The following SKAP2 variants were observed in gnomAD, a reference collection of about 807,000 sequenced individuals.
SKAP2 encodes the protein src kinase associated phosphoprotein 2, also known as src kinase-associated phosphoprotein 2.
In SKAP2, 28 loss-of-function variants were observed where a neutral mutation model predicts 54.9. The ratio of observed to expected loss-of-function variants is 0.51; its 90% CI spans 0.38 to 0.70. The LOEUF (loss-of-function observed/expected upper bound fraction) is 0.70, where lower values mean the gene tolerates loss of function less well. SKAP2 is among the 30% of genes least tolerant of loss of function. The pLI, the probability that SKAP2 is intolerant of heterozygous loss-of-function variation, is 0.00. For synonymous variants in SKAP2, 137 were observed against 134.3 expected (o/e 1.02, Z -0.14); for missense variants, 356 against 424.1 (o/e 0.84, Z 1.41).
chr7:26,790,551 G>C (rs1464579382), intron 4 of SKAP2, among the ~76,000 whole-genome samples: 2 of 152,068 alleles, frequency 1.3e-5, no homozygotes, highest in African/African-American at 4.8e-5. Flanking sequence ...ATTACTGTTG[G>C]GATTTAATAT....
At chr7:26,794,993 A>G (rs1783744765) in intron 4 of SKAP2, among the ~76,000 whole-genome samples, 1 of 152,136 alleles carries the variant, frequency 6.6e-6, no homozygotes, top group African/African-American at 2.4e-5. Flanking sequence ...TGCCTTCCCT[A>G]TTGAGGTTAA....
At chr7:26,740,175 A>G (rs1241934403) in intron 4 of SKAP2, among the ~76,000 whole-genome samples, 4 of 136,376 alleles carry the variant, frequency 2.9e-5, no homozygotes, top group Admixed American at 1.5e-4. Context: ...AAAAAAAAAA[A>G]GTTCTGTACT....
chr7:26,690,296 T>C lies in SKAP2; in HGVS notation c.863A>G (p.His288Arg), dbSNP rs1196651072. The change falls in exon 10 of 13, where the codon CAT becomes CGT. Residue 288 changes from histidine to arginine, a missense_variant. His to Arg is a conservative substitution (Grantham distance 29, BLOSUM62 0). Transcript: ENST00000345317. The stretch of plus-strand genomic sequence containing the variant: ...ACACAAGTCATTACCTGAGGTGTGA[T>C]GGACACTATCCTGACTCATCTTCCT... ...EQRKMSQDSV[H>R]HTSGDKSTDY... The C allele has an allele frequency of 6.2e-7, 1 of 1,608,176 alleles. No homozygotes were observed. The highest frequency in any genetic ancestry group is 8.5e-7 in the Non-Finnish European group (1 of 1,174,660).
At chr7:26,802,625 G>A (rs1295184570) in intron 4 of SKAP2, among the ~76,000 whole-genome samples, 2 of 152,088 alleles carry the variant, frequency 1.3e-5, no homozygotes, top group African/African-American at 4.8e-5. Context: ...GCACACGCCT[G>A]TAATCCTGGC....
chr7:26,665,278 C>T (rs1490069754), downstream of SKAP2, among the ~76,000 whole-genome samples: 1 of 152,152 alleles, frequency 6.6e-6, no homozygotes, highest in African/African-American at 2.4e-5. Context: ...TATTTGAGGT[C>T]ACAACACTGA....
At chr7:26,858,012 G>A (rs1584430910) in intron 1 of SKAP2, 1 of 152,288 alleles carries the variant, frequency 6.6e-6, no homozygotes. Context: ...TTGATAACAA[G>A]AAAAGGTCAG....
At chr7:26,740,548 A>T (rs117516430) in intron 4 of SKAP2, among the ~76,000 whole-genome samples, 70 of 152,314 alleles carry the variant, frequency 4.6e-4, no homozygotes, top group Non-Finnish European at 7.8e-4. Flanking sequence ...TGATAAAACT[A>T]TTATAAACAA....
intron 11 of SKAP2, among the ~76,000 whole-genome samples, chr7:26,684,293 A>G (rs763261674): frequency 6.6e-6 from 1 of 152,218 alleles, no homozygotes; most frequent in Non-Finnish European, 1.5e-5. Context: ...AAATTGCCGG[A>G]ACACCCAACA....
intron 9 of SKAP2, among the ~76,000 whole-genome samples, chr7:26,702,156 T>C (rs1216411523): frequency 2.0e-5 from 3 of 152,184 alleles, no homozygotes; most frequent in Non-Finnish European, 2.9e-5. Flanking sequence ...ACTATATTTT[T>C]TGTTTTTTGT....
At chr7:26,828,315 A>C (rs2127991842) in intron 4 of SKAP2, among the ~76,000 whole-genome samples, 1 of 152,300 alleles carries the variant, frequency 6.6e-6, no homozygotes, top group Admixed American at 6.5e-5. Context: ...GCGGTATATA[A>C]ACAAAATAAG....
intron 10 of SKAP2, among the ~76,000 whole-genome samples, chr7:26,688,629 C>T (rs1786702161): frequency 6.6e-6 from 1 of 152,136 alleles, no homozygotes; most frequent in African/African-American, 2.4e-5. Flanking sequence ...TTTCATGTCA[C>T]TAAAGATAAG....
intron 4 of SKAP2, among the ~76,000 whole-genome samples, chr7:26,826,661 G>A (rs1054498608): frequency 1.2e-4 from 18 of 151,982 alleles, no homozygotes; most frequent in South Asian, 2.1e-4. Flanking sequence ...CATAATTACC[G>A]TCTTCTTTCT....
intron 4 of SKAP2, among the ~76,000 whole-genome samples, chr7:26,840,612 T>A (rs1316916951): frequency 6.6e-6 from 1 of 152,122 alleles, no homozygotes; most frequent in African/African-American, 2.4e-5. Context: ...ATGCACCATT[T>A]ATACTGAAAC....
intron 4 of SKAP2, among the ~76,000 whole-genome samples, chr7:26,796,245 TC>T (rs1350126830): frequency 6.6e-6 from 1 of 152,208 alleles, no homozygotes; most frequent in African/African-American, 2.4e-5. Context: ...CTGTAGTATA[TC>T]CTGTCCTTTG....
At chr7:26,817,619 A>G (rs1168086615) in intron 4 of SKAP2, among the ~76,000 whole-genome samples, 1 of 152,090 alleles carries the variant, frequency 6.6e-6, no homozygotes, top group Non-Finnish European at 1.5e-5. Flanking sequence ...GACACATGAC[A>G]CAGGTTTATT....
rs1341177258 is a variant in SKAP2 at position 26,854,849 on chromosome 7, A to C, written c.109T>G (p.Leu37Val). ...FVADILKGEN[L>V]SKKAKEKRES... ...CTCTTTTCCTTTGCTTTCTTGGATA[A>C]ATTTTCTCCTTTCAGTATATCTGCT... is the stretch of plus-strand genomic sequence containing the variant. The change falls in exon 2 of 13, where the codon TTA becomes GTA. Residue 37 changes from leucine to valine, a missense_variant. Physicochemically the swap from Leu to Val is conservative, Grantham distance 32. Coordinates refer to ENST00000345317, the MANE Select transcript of SKAP2 (RefSeq NM_003930.5). 1.2e-6 allele frequency: 2 copies of C among 1,600,112 alleles called. No individual in the cohort carries two copies. Among genetic ancestry groups the C allele is most frequent in the Admixed American group, 3.3e-5 (2 of 59,840 alleles).
chr7:26,853,065 C>G (rs1030018773), intron 3 of SKAP2, among the ~76,000 whole-genome samples: 5 of 151,956 alleles, frequency 3.3e-5, no homozygotes, highest in African/African-American at 1.2e-4. Context: ...TGTTAAAAAT[C>G]TTAATATGAA....
chr7:26,731,335 G>A (rs1270783074), intron 6 of SKAP2, among the ~76,000 whole-genome samples: 5 of 151,960 alleles, frequency 3.3e-5, no homozygotes, highest in Non-Finnish European at 7.4e-5. Context: ...ACAAAATCAC[G>A]GTAGAGAAGA....
chr7:26,809,509 A>C (rs545691927), intron 4 of SKAP2, among the ~76,000 whole-genome samples: 2 of 152,318 alleles, frequency 1.3e-5, no homozygotes, highest in African/African-American at 2.4e-5. Context: ...AAAATGTTCA[A>C]TACCACTAGA....
Sources: allele counts gnomAD v4.1 joint callset (sites outside exome capture counted in the v4.1 genomes callset), GRCh38; gene constraint gnomAD v4.1.1; transcripts MANE v1.5; gene names NCBI Gene and HGNC (gene_info 2026-07-23, HGNC 2026-07-21).